Variants in DNAAF11 observed in about 807,000 individuals in gnomAD.
The protein encoded by DNAAF11 is leucine rich repeat containing 6.
Under a neutral mutation model 60.8 loss-of-function variants are expected in DNAAF11, and 45 were observed. The observed-to-expected ratio is 0.74, with a 90% CI of 0.58 to 0.95. The LOEUF is 0.95. DNAAF11 is among the 40% of genes least tolerant of loss of function. DNAAF11 has a pLI of 0.00. For synonymous variants in DNAAF11, 191 were observed against 183.5 expected (o/e 1.04, Z -0.33); for missense variants, 546 against 546.2 (o/e 1.00, Z 0.00).
intron 11 of DNAAF11, chr8:132,578,336 G>A (rs1814975487): frequency 1.3e-6 from 1 of 776,642 alleles, no homozygotes; most frequent in Non-Finnish European, 1.9e-6. Context: ...GTCAAAAACA[G>A]TAAGCAGCTA....
intron 10 of DNAAF11, among the ~76,000 whole-genome samples, chr8:132,591,449 AAATAT>A (rs58308553): frequency 0.13 from 19,869 of 151,674 alleles, 1,745 homozygotes; most frequent in African/African-American, 0.25. Flanking sequence ...ATAAGATGAA[AAATAT>A]AATATTTTAT....
chr8:132,657,170 A>G lies in DNAAF11; in HGVS notation c.179-263T>C, dbSNP rs117253621. On this transcript the variant is annotated intron_variant, in intron 2 of 11. Coordinates refer to ENST00000620350, the MANE Select transcript of DNAAF11 (RefSeq NM_012472.6). ...AACTCCAGGCAGTTAGGTTTAGCCAAGCTGGGCCAGTGCATGACAATCCAA... is the reference window on the plus strand; with the variant it reads ...AACTCCAGGCAGTTAGGTTTAGCCAGGCTGGGCCAGTGCATGACAATCCAA... Among the ~76,000 whole-genome samples, 126 of 152,224 alleles carry G rather than the reference A, an allele frequency of 8.3e-4. 5 individuals carry two copies. In the East Asian group the frequency reaches 0.021, roughly 26 times the overall value.
At chr8:132,645,011 T>A (rs183285634) in intron 3 of DNAAF11, among the ~76,000 whole-genome samples, 31 of 152,250 alleles carry the variant, frequency 2.0e-4, no homozygotes, top group South Asian at 8.3e-4. Context: ...GAGTTTGAGA[T>A]CTGAGAATGG....
At chr8:132,656,611 A>C (rs1484352356) in intron 3 of DNAAF11, among the ~76,000 whole-genome samples, 1 of 152,126 alleles carries the variant, frequency 6.6e-6, no homozygotes. Context: ...AGCTGGGATT[A>C]CAGGTGCATG....
At chr8:132,585,693 C>T (rs533047895) in intron 10 of DNAAF11, among the ~76,000 whole-genome samples, 1 of 152,172 alleles carries the variant, frequency 6.6e-6, no homozygotes, top group South Asian at 2.1e-4. Context: ...ACAATGTTTA[C>T]TTCTTCAATA....
At chr8:132,652,449 C>G (rs1436118478) in intron 3 of DNAAF11, among the ~76,000 whole-genome samples, 2 of 152,114 alleles carry the variant, frequency 1.3e-5, no homozygotes, top group African/African-American at 4.8e-5. Context: ...AAAAAATTGA[C>G]AGCAAAAAGT....
chr8:132,626,082 C>T (rs533438564), intron 5 of DNAAF11, among the ~76,000 whole-genome samples: 8 of 152,012 alleles, frequency 5.3e-5, no homozygotes, highest in African/African-American at 1.4e-4. Flanking sequence ...CGGAGTCTCC[C>T]TCTGTCGCCC....
intron 2 of DNAAF11, among the ~76,000 whole-genome samples, chr8:132,659,149 C>T (rs967449991): frequency 3.3e-5 from 5 of 152,176 alleles, no homozygotes; most frequent in African/African-American, 1.2e-4. Flanking sequence ...TGACAAGACC[C>T]CACATGGCCC....
At chr8:132,652,754 A>T (rs1237392934) in intron 3 of DNAAF11, among the ~76,000 whole-genome samples, 1 of 152,086 alleles carries the variant, frequency 6.6e-6, no homozygotes, top group Non-Finnish European at 1.5e-5. Context: ...GAACACATGG[A>T]CACAGGGAGG....
chr8:132,622,519 T>C (rs1444825962), intron 7 of DNAAF11, 92 bp downstream of exon 7: 1 of 925,182 alleles, frequency 1.1e-6, no homozygotes, highest in African/African-American at 1.7e-5. Flanking sequence ...AGAAATATTC[T>C]TTGCAGAGCA....
chr8:132,636,054 T>C (rs1472686283), intron 4 of DNAAF11, among the ~76,000 whole-genome samples: 5 of 151,816 alleles, frequency 3.3e-5, no homozygotes, highest in Non-Finnish European at 7.4e-5. Flanking sequence ...ACATTTCTGT[T>C]GTCTAAGCCA....
At chr8:132,654,813 G>C (rs34126299) in intron 3 of DNAAF11, among the ~76,000 whole-genome samples, 12,814 of 151,464 alleles carry the variant, frequency 0.085, 651 homozygotes, top group African/African-American at 0.11. Context: ...TTTATTTATG[G>C]CTCCATAAAA....
chr8:132,663,864 G>A (rs761571796), intron 1 of DNAAF11, among the ~76,000 whole-genome samples: 9 of 152,168 alleles, frequency 5.9e-5, no homozygotes, highest in Admixed American at 4.6e-4. Context: ...ATGTCCAAGG[G>A]TCAGCTGTTT....
At position 132,571,565 on chromosome 8, in the gene DNAAF11, G is replaced by A. The variant is rs903360756; in HGVS notation, c.*741C>T. The stretch of plus-strand genomic sequence containing the variant: ...GGAGGGGAAGAAGGAGCAGGGAGGA[G>A]GAGAGACAGGAGAAAGGGAGGAGAA... On this transcript the variant is annotated 3_prime_UTR_variant, in exon 12 of 12. Coordinates refer to ENST00000620350, the MANE Select transcript of DNAAF11 (RefSeq NM_012472.6). 4.6e-5 allele frequency among the ~76,000 whole-genome samples: 7 copies of A among 151,982 alleles called. No homozygotes were observed. The highest frequency in any genetic ancestry group is 8.8e-5 in the Non-Finnish European group (6 of 67,982).
At position 132,611,352 on chromosome 8, in the gene DNAAF11, G is replaced by T. The variant is rs372199455; in HGVS notation, c.986C>A (p.Thr329Asn). 6.2e-7 allele frequency: 1 copy of T among 1,600,722 alleles called. No homozygotes were observed. The highest frequency in any genetic ancestry group is 8.6e-7 in the Non-Finnish European group (1 of 1,168,686). Residue 329 changes from threonine to asparagine, a missense_variant, in exon 9 of 12, where the codon ACC becomes AAC. Thr to Asn is a moderately conservative substitution (Grantham distance 65). Coordinates refer to ENST00000620350, the MANE Select transcript of DNAAF11 (RefSeq NM_012472.6). Reference protein sequence around the residue: ...LDLAVYRYMDTSLIDVDVQPT... With the variant: ...LDLAVYRYMDNSLIDVDVQPT... Reference sequence around the variant, plus strand: ...TTGCACATCAACATCGATTAAAGAGGTATCCATATACCTTCAAAATTAAAC... The same window carrying T: ...TTGCACATCAACATCGATTAAAGAGTTATCCATATACCTTCAAAATTAAAC...
chr8:132,620,450 C>G (rs1166939852), intron 7 of DNAAF11, among the ~76,000 whole-genome samples: 1 of 152,086 alleles, frequency 6.6e-6, no homozygotes, highest in East Asian at 1.9e-4. Flanking sequence ...TTCTCGTGTC[C>G]CAGCCTTCCG....
rs1202853544 is a variant in DNAAF11, at chr8:132,571,473, GAGA to G, written c.*830_*832del. ...TAAAAAAGTAAAGAAGGAAATAGAG[GAGA>G]AGGAGTGGGATGGGGAGTAAAAAGG... On this transcript the variant is annotated 3_prime_UTR_variant, in exon 12 of 12. Transcript: ENST00000620350. Among the ~76,000 whole-genome samples the G allele has an allele frequency of 3.3e-5, 5 of 151,990 alleles. No homozygotes were observed. Among genetic ancestry groups the G allele is most frequent in the East Asian group, 1.9e-4 (1 of 5,192 alleles).
intron 10 of DNAAF11, among the ~76,000 whole-genome samples, chr8:132,596,580 A>T (rs1304165475): frequency 6.6e-6 from 1 of 152,190 alleles, no homozygotes; most frequent in Non-Finnish European, 1.5e-5. Flanking sequence ...CCTTAGGAAA[A>T]AAATGACATC....
At chr8:132,648,729 G>A (rs1267335043) in intron 3 of DNAAF11, among the ~76,000 whole-genome samples, 3 of 152,084 alleles carry the variant, frequency 2.0e-5, no homozygotes, top group African/African-American at 4.8e-5. Flanking sequence ...GACAAACAGA[G>A]AGCCAAATCA....
Sources: allele counts gnomAD v4.1 joint callset (sites outside exome capture counted in the v4.1 genomes callset), GRCh38; gene constraint gnomAD v4.1.1; transcripts MANE v1.5; gene names NCBI Gene and HGNC (gene_info 2026-07-23, HGNC 2026-07-21).